Variants in NRCAM observed in about 807,000 individuals in gnomAD.
The protein encoded by NRCAM is NgCAM-related cell adhesion molecule.
In NRCAM, 83 loss-of-function variants were observed where a neutral mutation model predicts 156.5. The ratio of observed to expected loss-of-function variants is 0.53; its 90% CI spans 0.44 to 0.64. The LOEUF (loss-of-function observed/expected upper bound fraction) is 0.64. Among genes scored for constraint, NRCAM ranks in the 30% least tolerant of loss-of-function variants. The probability of loss-of-function intolerance (pLI) is 0.00; values close to 1 mark genes in which losing one functional copy is unlikely to be tolerated. For synonymous variants in NRCAM, 538 were observed against 563.9 expected (o/e 0.95, Z 0.65); for missense variants, 1,417 against 1,597.3 (o/e 0.89, Z 1.92).
At chr7:108,453,616 C>T (rs1343285766) in intron 1 of NRCAM, among the ~76,000 whole-genome samples, 3 of 152,164 alleles carry the variant, frequency 2.0e-5, no homozygotes, top group Non-Finnish European at 4.4e-5. Flanking sequence ...TGCCTGAGTC[C>T]TCTAACAGCT....
intron 28 of NRCAM, among the ~76,000 whole-genome samples, chr7:108,172,057 T>C (rs1445751029): frequency 6.6e-6 from 1 of 152,184 alleles, no homozygotes; most frequent in Admixed American, 6.5e-5. Context: ...GATTCCTGCT[T>C]TGCCAGTTAG....
chr7:108,301,903 G>T lies in NRCAM; in HGVS notation c.-107+10762C>A, dbSNP rs111695354. ...TTAGGACACTATTTCTGAGACTTGC[G>T]ACTCAGCTTTGTACATGCTCTAGGG... is the stretch of plus-strand genomic sequence containing the variant. On this transcript the variant is annotated intron_variant, in intron 3 of 32. Transcript: ENST00000379028. 6.6e-4 allele frequency among the ~76,000 whole-genome samples: 101 copies of T among 152,078 alleles called. 2 individuals are homozygous for T. The highest frequency in any genetic ancestry group is 2.4e-3 in the African/African-American group (100 of 41,528).
intron 2 of NRCAM, among the ~76,000 whole-genome samples, chr7:108,338,147 T>G (rs533802993): frequency 1.8e-4 from 27 of 152,352 alleles, no homozygotes; most frequent in African/African-American, 6.3e-4. Flanking sequence ...TTCCCGGCAG[T>G]AGCCGGTTGA....
chr7:108,381,678 G>A (rs2099702103), intron 2 of NRCAM, among the ~76,000 whole-genome samples: 2 of 151,490 alleles, frequency 1.3e-5, no homozygotes, highest in Admixed American at 1.3e-4. Flanking sequence ...TCCTGCCTCA[G>A]GCTCCCAAGT....
intron 11 of NRCAM, among the ~76,000 whole-genome samples, chr7:108,220,781 G>A (rs1293093297): frequency 1.3e-5 from 2 of 152,088 alleles, no homozygotes; most frequent in Non-Finnish European, 2.9e-5. Flanking sequence ...TCTAGATATT[G>A]GATTAGGCAA....
chr7:108,381,581 CAG>C (rs751757699), intron 2 of NRCAM, among the ~76,000 whole-genome samples: 3 of 131,376 alleles, frequency 2.3e-5, no homozygotes, highest in Non-Finnish European at 4.7e-5. Context: ...TTTTTTGAGA[CAG>C]AGTTTCACTC....
chr7:108,276,579 G>A (rs180768154), intron 3 of NRCAM, among the ~76,000 whole-genome samples: 6,461 of 148,680 alleles, frequency 0.043, 182 homozygotes, highest in South Asian at 0.12. Context: ...TTTTGCTTCC[G>A]TTTGCTTGGT....
At chr7:108,206,786 G>A (rs1382116673) in intron 13 of NRCAM, among the ~76,000 whole-genome samples, 2 of 152,194 alleles carry the variant, frequency 1.3e-5, no homozygotes, top group Non-Finnish European at 2.9e-5. Flanking sequence ...CAGATTAATG[G>A]GAGGGCCTGA....
At chr7:108,256,386 G>C (rs1357556754) in intron 3 of NRCAM, among the ~76,000 whole-genome samples, 3 of 143,998 alleles carry the variant, frequency 2.1e-5, no homozygotes, top group African/African-American at 7.7e-5. Context: ...GATTAAGGGC[G>C]GTGCAAGATG....
intron 1 of NRCAM, among the ~76,000 whole-genome samples, chr7:108,421,300 T>C (rs1230602213): frequency 6.6e-6 from 1 of 152,202 alleles, no homozygotes; most frequent in Admixed American, 6.5e-5. Flanking sequence ...TTTTAGCTAA[T>C]TTGCAAAAAC....
Position 108,414,003 on chromosome 7 carries a change from A to G in NRCAM, c.-331-14410T>C, listed in dbSNP as rs59243240. On this transcript the variant is annotated intron_variant, in intron 1 of 32. Transcript: ENST00000379028. ...ACCCTCATCCTGTGTAGCTGCTATT[A>G]TAGAGACTCTGGCTTCTTGAACCAC... is the stretch of plus-strand genomic sequence containing the variant. Among the ~76,000 whole-genome samples the G allele has an allele frequency of 9.7e-3, 1,475 of 152,286 alleles. 16 individuals are homozygous for G. The highest frequency in any genetic ancestry group is 0.034 in the African/African-American group (1,417 of 41,558).
intron 3 of NRCAM, among the ~76,000 whole-genome samples, chr7:108,245,109 C>T (rs1344749556): frequency 6.6e-6 from 1 of 152,108 alleles, no homozygotes; most frequent in Middle Eastern, 3.2e-3. Context: ...TCTTAACTTA[C>T]TGATAAGGAA....
intron 2 of NRCAM, among the ~76,000 whole-genome samples, chr7:108,363,765 G>A (rs2099574250): frequency 6.6e-6 from 1 of 152,148 alleles, no homozygotes; most frequent in South Asian, 2.1e-4. Context: ...TGTGGCCTTA[G>A]CCCTAGTCTT....
chr7:108,188,538 T>C (rs2068784563), intron 20 of NRCAM, among the ~76,000 whole-genome samples: 1 of 152,000 alleles, frequency 6.6e-6, no homozygotes, highest in Admixed American at 6.6e-5. Flanking sequence ...TTTAGAACAA[T>C]GTCTGGCACA....
intron 2 of NRCAM, among the ~76,000 whole-genome samples, chr7:108,318,207 G>A (rs1408923437): frequency 4.6e-5 from 7 of 151,444 alleles, no homozygotes; most frequent in South Asian, 4.2e-4. Flanking sequence ...CACCATGCCC[G>A]GCTAATTTTT....
intron 3 of NRCAM, among the ~76,000 whole-genome samples, chr7:108,298,489 CAAA>C (rs34020229): frequency 7.0e-6 from 1 of 143,012 alleles, no homozygotes; most frequent in Non-Finnish European, 1.5e-5. Flanking sequence ...AATAAAAATA[CAAA>C]AAAAAAAAAA....
intron 2 of NRCAM, among the ~76,000 whole-genome samples, chr7:108,356,680 TA>T (rs1385587052): frequency 6.6e-6 from 1 of 152,182 alleles, no homozygotes; most frequent in Non-Finnish European, 1.5e-5. Flanking sequence ...TGGCTTGACT[TA>T]TATTAGTTTA....
chr7:108,308,858 G>A lies in NRCAM; in HGVS notation c.-107+3807C>T, dbSNP rs115608728. 1.4e-3 allele frequency among the ~76,000 whole-genome samples: 213 copies of A among 152,326 alleles called. 1 individual carries two copies. The highest frequency in any genetic ancestry group is 4.6e-3 in the African/African-American group (193 of 41,582). On this transcript the variant is annotated intron_variant, in intron 3 of 32. Coordinates refer to ENST00000379028, the MANE Select transcript of NRCAM (RefSeq NM_001037132.4). ...TAATGAGGACAGGATGCAAGAGGCA[G>A]AAATGAGATGCCTAATCAATAAAGG...
intron 2 of NRCAM, among the ~76,000 whole-genome samples, chr7:108,322,022 A>C (rs2154210558): frequency 6.6e-6 from 1 of 152,348 alleles, no homozygotes; most frequent in South Asian, 2.1e-4. Context: ...GACTTTTTTA[A>C]AAAATTAGAA....
Sources: allele counts gnomAD v4.1 joint callset (sites outside exome capture counted in the v4.1 genomes callset), GRCh38; gene constraint gnomAD v4.1.1; transcripts MANE v1.5; gene names NCBI Gene and HGNC (gene_info 2026-07-23, HGNC 2026-07-21).